LHX8: variants seen among roughly 807,000 people sequenced by gnomAD.
The protein encoded by LHX8 is LIM homeobox 8.
A neutral mutation model predicts 40.3 loss-of-function variants in LHX8; 12 were observed. The ratio of observed to expected loss-of-function variants is 0.30; its 90% CI spans 0.19 to 0.48. The LOEUF is 0.48. LHX8 is among the 20% of genes least tolerant of loss of function. The pLI, the probability that LHX8 is intolerant of heterozygous loss-of-function variation, is 0.99. For missense variants in LHX8, 344 were observed against 433.7 expected (o/e 0.79, Z 1.84); for synonymous variants, 179 against 162.0 (o/e 1.10, Z -0.80).
chr1:75,180,793 C>A, the LHX8 span, among the ~76,000 whole-genome samples: 1 of 152,194 alleles, frequency 6.6e-6, no homozygotes, highest in Non-Finnish European at 1.5e-5. Flanking sequence ...GAATTTTCAG[C>A]TTTTCTGCTC....
intron 4 of LHX8, among the ~76,000 whole-genome samples, chr1:75,142,771 AGTAT>A (rs1189260989): frequency 6.6e-6 from 1 of 152,076 alleles, no homozygotes; most frequent in Non-Finnish European, 1.5e-5. Context: ...CAGTCTGGAG[AGTAT>A]GTGTGTTTAT....
At chr1:75,132,496 C>T (rs1160153575), upstream of LHX8, 1 of 152,206 alleles carries the variant, frequency 6.6e-6, no homozygotes, top group Non-Finnish European at 1.5e-5. Context: ...TTCTTCTTCC[C>T]CAAGCCCAGA....
intron 8 of LHX8, among the ~76,000 whole-genome samples, chr1:75,158,530 G>A (rs1021202552): frequency 3.3e-5 from 5 of 152,102 alleles, no homozygotes; most frequent in Non-Finnish European, 4.4e-5. Context: ...CCTTTGCTGT[G>A]TAGATTTACA....
In LHX8 at chr1:75,157,045, G is replaced by A. The variant is rs145367581; in HGVS notation, c.933G>A (p.Thr311=). The change falls in exon 8 of 9, where the codon ACG becomes ACA. Residue 311 remains threonine, a synonymous_variant. Transcript: ENST00000356261. ...CTGCCTACGTGCCCCAAGATGGAACGATGTTAACTGCGCTGCATAGTTATA... is the reference window on the plus strand; with the variant it reads ...CTGCCTACGTGCCCCAAGATGGAACAATGTTAACTGCGCTGCATAGTTATA... ...AYSAYVPQDG[T]MLTALHSYMD... is the part of the protein sequence containing the mutation. 9.7e-5 allele frequency: 156 copies of A among 1,614,044 alleles called. 2 individuals carry two copies. In the African/African-American group the frequency reaches 1.7e-3, roughly 17 times the overall value.
At chr1:75,174,160 T>A in the LHX8 span, among the ~76,000 whole-genome samples, 1 of 152,330 alleles carries the variant, frequency 6.6e-6, no homozygotes, top group African/African-American at 2.4e-5. Flanking sequence ...CTTTCAGTTC[T>A]GTTGGAGACA....
the LHX8 span, among the ~76,000 whole-genome samples, chr1:75,198,170 C>T: frequency 0.086 from 13,126 of 152,116 alleles, 778 homozygotes; most frequent in African/African-American, 0.16. Flanking sequence ...TTAAAAAAGT[C>T]TCATATGGGA....
At chr1:75,197,155 T>C in the LHX8 span, among the ~76,000 whole-genome samples, 1 of 152,204 alleles carries the variant, frequency 6.6e-6, no homozygotes, top group Non-Finnish European at 1.5e-5. Flanking sequence ...AAAGTATTAA[T>C]TAGGAAAACA....
rs747598853 is a variant in LHX8, at chr1:75,143,858, T to C, written c.594T>C (p.Ser198=). Residue 198 remains serine, a synonymous_variant, in exon 6 of 9, where the codon AGT becomes AGC. Coordinates refer to ENST00000356261, the MANE Select transcript of LHX8 (RefSeq NM_001256114.2). ...TTTTAAATGCAGGGAATGGGATTAG[T>C]GTGGAAGGTGCCCTCCTCACAGAGC... The part of the protein sequence containing the change: ...KREVENGNGI[S]VEGALLTEQD... 5 of 1,613,058 alleles carry C rather than the reference T, an allele frequency of 3.1e-6. No homozygotes were observed. The highest frequency in any genetic ancestry group is 4.2e-6 in the Non-Finnish European group (5 of 1,179,182).
At chr1:75,182,478 A>G in the LHX8 span, among the ~76,000 whole-genome samples, 4 of 150,246 alleles carry the variant, frequency 2.7e-5, no homozygotes, top group South Asian at 8.4e-4. Flanking sequence ...GGTTCAAGCA[A>G]TTCTCCTGCC....
At chr1:75,137,558 T>G (rs1442866656) in intron 3 of LHX8, among the ~76,000 whole-genome samples, 1 of 152,168 alleles carries the variant, frequency 6.6e-6, no homozygotes, top group Non-Finnish European at 1.5e-5. Context: ...GGAAGGGAAG[T>G]GGAAAAACCC....
At chr1:75,172,019 G>C in the LHX8 span, among the ~76,000 whole-genome samples, 2 of 152,174 alleles carry the variant, frequency 1.3e-5, no homozygotes, top group African/African-American at 2.4e-5. Flanking sequence ...ATAGCAAAGA[G>C]ATTTGCACAG....
the LHX8 span, among the ~76,000 whole-genome samples, chr1:75,177,497 A>G: frequency 6.6e-6 from 1 of 152,188 alleles, no homozygotes; most frequent in Non-Finnish European, 1.5e-5. Context: ...ATGTATAAGA[A>G]TGCTTGTGAT....
At chr1:75,176,320 C>T in the LHX8 span, among the ~76,000 whole-genome samples, 1 of 152,192 alleles carries the variant, frequency 6.6e-6, no homozygotes, top group Non-Finnish European at 1.5e-5. Context: ...TCTCCACATC[C>T]TCTCCAGCAC....
upstream of LHX8, chr1:75,132,484 C>G (rs759916931): frequency 6.6e-6 from 1 of 152,194 alleles, no homozygotes; most frequent in Non-Finnish European, 1.5e-5. Flanking sequence ...GTCTGACGAC[C>G]ATTCTTCTTC....
rs1648072056 is a variant in LHX8 at position 75,134,824 on chromosome 1, T to A, written c.-143T>A. 1 of 676,460 alleles carries A rather than the reference T, an allele frequency of 1.5e-6. No individual in the cohort carries two copies. The highest frequency in any genetic ancestry group is 1.7e-6 in the Non-Finnish European group (1 of 579,290). 41.9% of individuals were successfully genotyped at this position (676,460 alleles called of 1,614,324 possible). ...GGCCTCATCTTCAGACCTGGCAATT[T>A]TTTTTTTTTATTACGTAGTAGCGTT... On this transcript the variant is annotated 5_prime_UTR_variant, in exon 1 of 9. Coordinates refer to ENST00000356261, the MANE Select transcript of LHX8 (RefSeq NM_001256114.2).
At chr1:75,197,538 A>T in the LHX8 span, among the ~76,000 whole-genome samples, 1 of 152,218 alleles carries the variant, frequency 6.6e-6, no homozygotes, top group Non-Finnish European at 1.5e-5. Context: ...TTTAAATAAC[A>T]TGATATAAAA....
chr1:75,158,022 A>AC (rs1383769140), intron 8 of LHX8, among the ~76,000 whole-genome samples: 1 of 152,170 alleles, frequency 6.6e-6, no homozygotes, highest in Non-Finnish European at 1.5e-5. Context: ...TTACACCTTG[A>AC]CCAGCAGCAA....
the LHX8 span, among the ~76,000 whole-genome samples, chr1:75,189,634 C>T: frequency 6.6e-6 from 1 of 152,026 alleles, no homozygotes; most frequent in African/African-American, 2.4e-5. Flanking sequence ...ATCTAATAGC[C>T]CTTTGCTGAA....
chr1:75,134,119 T>C (rs543598839), upstream of LHX8, among the ~76,000 whole-genome samples: 3 of 152,200 alleles, frequency 2.0e-5, no homozygotes, highest in Non-Finnish European at 4.4e-5. Flanking sequence ...AATTTAAAAG[T>C]TATGGCAAAT....
Sources: allele counts gnomAD v4.1 joint callset (sites outside exome capture counted in the v4.1 genomes callset), GRCh38; gene constraint gnomAD v4.1.1; transcripts MANE v1.5; gene names NCBI Gene and HGNC (gene_info 2026-07-23, HGNC 2026-07-21).